ADIPOR2: variants seen among roughly 807,000 people sequenced by gnomAD.
The protein encoded by ADIPOR2 is adiponectin receptor 2.
In ADIPOR2, 18 loss-of-function variants were observed where a neutral mutation model predicts 40.9. The ratio of observed to expected loss-of-function variants is 0.44; its 90% CI spans 0.30 to 0.65. The LOEUF (loss-of-function observed/expected upper bound fraction) is 0.65, where lower values mean the gene tolerates loss of function less well. Among genes scored for constraint, ADIPOR2 ranks in the 30% least tolerant of loss-of-function variants. The pLI is 0.09. For synonymous variants in ADIPOR2, 165 were observed against 166.4 expected (o/e 0.99, Z 0.06); for missense variants, 283 against 479.2 (o/e 0.59, Z 3.82).
intron 1 of ADIPOR2, among the ~76,000 whole-genome samples, chr12:1,691,599 A>T (rs2094627233): frequency 1.3e-5 from 2 of 152,100 alleles, no homozygotes; most frequent in South Asian, 4.1e-4. Flanking sequence ...TATCACTTCT[A>T]GGAATTTGTT....
Position 1,707,039 on chromosome 12 carries a change from A to G in ADIPOR2, c.-87+15848A>G, listed in dbSNP as rs116372995. Among the ~76,000 whole-genome samples, 664 of 152,230 alleles carry G rather than the reference A, an allele frequency of 4.4e-3. 5 individuals are homozygous for G. The highest frequency in any genetic ancestry group is 0.015 in the African/African-American group (633 of 41,522). On this transcript the variant is annotated intron_variant, in intron 1 of 7. Transcript: ENST00000357103. Reference sequence around the variant, plus strand: ...TGGAATCATACTGTACATATTCTTTAATGCCTGGCTGCTTTCACTCCGCAT... The same window carrying G: ...TGGAATCATACTGTACATATTCTTTGATGCCTGGCTGCTTTCACTCCGCAT...
intron 1 of ADIPOR2, among the ~76,000 whole-genome samples, chr12:1,748,124 T>C (rs780496581): frequency 1.9e-4 from 29 of 152,228 alleles, no homozygotes; most frequent in Non-Finnish European, 3.8e-4. Context: ...CCTTTATTTT[T>C]AAATTTCCAT....
chr12:1,785,804 C>T (rs577959884), intron 7 of ADIPOR2, 140 bp from the exon 8 acceptor site: 100 of 1,129,524 alleles, frequency 8.9e-5, no homozygotes, highest in South Asian at 2.2e-4. Context: ...GATCTGTGGA[C>T]GCCTTGAATT....
chr12:1,703,214 C>T (rs1260729913), intron 1 of ADIPOR2, among the ~76,000 whole-genome samples: 1 of 152,106 alleles, frequency 6.6e-6, no homozygotes, highest in Non-Finnish European at 1.5e-5. Flanking sequence ...ATGAAAATGC[C>T]TACTATATAC....
At chr12:1,695,897 T>TC (rs201026993) in intron 1 of ADIPOR2, 2,284 of 152,452 alleles carry the variant, frequency 0.015, 22 homozygotes, top group Middle Eastern at 0.054. Flanking sequence ...CAGCAGCTTT[T>TC]CCCCAAAGGA....
chr12:1,735,946 C>T (rs1322392991), intron 1 of ADIPOR2, among the ~76,000 whole-genome samples: 5 of 152,104 alleles, frequency 3.3e-5, no homozygotes, highest in African/African-American at 4.8e-5. Context: ...GGATGAAGCC[C>T]ACTTGATCAT....
Position 1,786,338 on chromosome 12 carries a change from G to A in ADIPOR2, c.*266G>A, listed in dbSNP as rs1316256640. 2 of 400,036 alleles carry A rather than the reference G, an allele frequency of 5.0e-6. No homozygotes were observed. Among genetic ancestry groups the A allele is most frequent in the South Asian group, 1.0e-4 (2 of 19,498 alleles). 24.8% of individuals were successfully genotyped at this position (400,036 alleles called of 1,614,324 possible). A position where few individuals can be genotyped will look rare whatever the true frequency, so the allele number is the denominator to read the frequency against. ...CTTATTCTTGGGATCTACTGATTGC[G>A]GGCTCTGCAAGACCCTTGGCAAACT... On this transcript the variant is annotated 3_prime_UTR_variant, in exon 8 of 8. Coordinates refer to ENST00000357103, the MANE Select transcript of ADIPOR2 (RefSeq NM_024551.3).
chr12:1,720,249 T>C (rs948563113), intron 1 of ADIPOR2, among the ~76,000 whole-genome samples: 1 of 152,154 alleles, frequency 6.6e-6, no homozygotes, highest in African/African-American at 2.4e-5. Context: ...TTGACAGATA[T>C]TTACTGAATA....
In ADIPOR2 at chr12:1,754,303, C is replaced by T. The variant is rs1862065554; in HGVS notation, c.-41C>T. The T allele has an allele frequency of 6.5e-7, 1 of 1,527,498 alleles. No homozygotes were observed. Among genetic ancestry groups the T allele is most frequent in the South Asian group, 1.3e-5 (1 of 74,190 alleles). The allele number at this position is 1,527,498 out of a possible 1,614,324, so 94.6% of individuals were successfully genotyped here. A position where few individuals can be genotyped will look rare whatever the true frequency, so the allele number is the denominator to read the frequency against. ...GGTCCATTCTCCCAAGAAGAGGGGA[C>T]AGAAAGACAGATCTATTTGTAAGAA... On this transcript the variant is annotated 5_prime_UTR_variant, in exon 2 of 8. Coordinates refer to ENST00000357103, the MANE Select transcript of ADIPOR2 (RefSeq NM_024551.3).
At chr12:1,700,713 A>T (rs2094648337) in intron 1 of ADIPOR2, among the ~76,000 whole-genome samples, 1 of 152,002 alleles carries the variant, frequency 6.6e-6, no homozygotes, top group Non-Finnish European at 1.5e-5. Context: ...CAGGGGTGAA[A>T]TCCTCTCTTC....
intron 1 of ADIPOR2, among the ~76,000 whole-genome samples, chr12:1,748,249 T>C (rs1311841160): frequency 2.0e-5 from 3 of 152,124 alleles, no homozygotes; most frequent in Admixed American, 2.0e-4. Context: ...CTTTTATTAT[T>C]TATTTATTCT....
At chr12:1,731,357 G>A (rs1188907224) in intron 1 of ADIPOR2, among the ~76,000 whole-genome samples, 1 of 152,118 alleles carries the variant, frequency 6.6e-6, no homozygotes, top group African/African-American at 2.4e-5. Flanking sequence ...GAAAATACAC[G>A]TAACATAAAA....
chr12:1,693,936 C>G (rs978828895), intron 1 of ADIPOR2, among the ~76,000 whole-genome samples: 2 of 151,990 alleles, frequency 1.3e-5, no homozygotes, highest in African/African-American at 4.8e-5. Context: ...GCTTATGAAC[C>G]GGGTTTTCAT....
At chr12:1,753,194 A>G (rs972721491) in intron 1 of ADIPOR2, among the ~76,000 whole-genome samples, 2 of 152,130 alleles carry the variant, frequency 1.3e-5, no homozygotes, top group Non-Finnish European at 2.9e-5. Context: ...CTTGAACCTC[A>G]TGGAATTTAT....
intron 1 of ADIPOR2, among the ~76,000 whole-genome samples, chr12:1,709,140 A>G (rs1263568409): frequency 1.3e-5 from 2 of 152,208 alleles, no homozygotes; most frequent in South Asian, 2.1e-4. Context: ...GTTTCTATCA[A>G]AAAGCCTGCT....
At chr12:1,773,424 C>G (rs1293310667) in intron 3 of ADIPOR2, among the ~76,000 whole-genome samples, 2 of 151,636 alleles carry the variant, frequency 1.3e-5, no homozygotes, top group Non-Finnish European at 2.9e-5. Flanking sequence ...CCATGTACAT[C>G]TGGTATTTTC....
chr12:1,709,019 C>T (rs879791004), intron 1 of ADIPOR2, among the ~76,000 whole-genome samples: 1 of 152,076 alleles, frequency 6.6e-6, no homozygotes, highest in Non-Finnish European at 1.5e-5. Context: ...GTGCCTGGCC[C>T]TGCATATCTA....
At chr12:1,716,892 G>A (rs950460336) in intron 1 of ADIPOR2, among the ~76,000 whole-genome samples, 7 of 152,136 alleles carry the variant, frequency 4.6e-5, no homozygotes, top group Non-Finnish European at 1.0e-4. Flanking sequence ...TGCCAAATGG[G>A]AGATGGCTGG....
intron 1 of ADIPOR2, among the ~76,000 whole-genome samples, chr12:1,714,660 C>T (rs1355249449): frequency 3.3e-5 from 5 of 151,948 alleles, no homozygotes; most frequent in Non-Finnish European, 4.4e-5. Context: ...GTCGAGGACC[C>T]GGTGGGGATC....
Sources: gnomAD v4.1 joint callset for allele counts (sites outside exome capture counted in the v4.1 genomes callset) on GRCh38, gnomAD v4.1.1 for gene constraint, MANE v1.5 for transcripts, NCBI Gene and HGNC (gene_info 2026-07-23, HGNC 2026-07-21) for gene names.